The following CNTNAP2 variants were observed in gnomAD, a reference collection of about 807,000 sequenced individuals.
CNTNAP2 encodes the protein contactin-associated protein-like 2.
Under a neutral mutation model 155.2 loss-of-function variants are expected in CNTNAP2, and 98 were observed. The observed-to-expected ratio is 0.63, with a 90% CI of 0.54 to 0.75. The LOEUF is 0.75. CNTNAP2 is among the 30% of genes least tolerant of loss of function. CNTNAP2 has a pLI of 0.00. For synonymous variants in CNTNAP2, 651 were observed against 631.2 expected (o/e 1.03, Z -0.47); for missense variants, 1,727 against 1,688.1 (o/e 1.02, Z -0.40).
chr7:147,400,262 G>A (rs574861894), intron 10 of CNTNAP2, among the ~76,000 whole-genome samples: 2 of 152,212 alleles, frequency 1.3e-5, no homozygotes, highest in South Asian at 2.1e-4. Flanking sequence ...TGCTTGGGGA[G>A]GGACGGACAT....
intron 1 of CNTNAP2, among the ~76,000 whole-genome samples, chr7:146,215,370 A>C (rs1799097071): frequency 6.6e-6 from 1 of 152,158 alleles, no homozygotes; most frequent in South Asian, 2.1e-4. Flanking sequence ...TGAACTGCAT[A>C]CACATCTTAC....
chr7:147,132,180 G>A lies in CNTNAP2; in HGVS notation c.1084-65G>A, dbSNP rs149481306. ...AACTTGTAGAACTATACTTTCATCA[G>A]TGGTCTGACATGGATGTTCATTTTA... On this transcript the variant is annotated intron_variant, in intron 7 of 23. Transcript: ENST00000361727. 114 of 1,594,172 alleles carry A rather than the reference G, an allele frequency of 7.2e-5. 1 individual carries two copies. In the East Asian group the frequency reaches 2.5e-3, roughly 35 times the overall value.
At chr7:146,613,682 TG>T (rs1373331801) in intron 1 of CNTNAP2, among the ~76,000 whole-genome samples, 1 of 152,220 alleles carries the variant, frequency 6.6e-6, no homozygotes, top group African/African-American at 2.4e-5. Context: ...CAGTGTGAAG[TG>T]TATTTTATAC....
intron 1 of CNTNAP2, among the ~76,000 whole-genome samples, chr7:146,167,245 AT>A (rs1310059450): frequency 1.3e-5 from 2 of 152,220 alleles, no homozygotes; most frequent in Non-Finnish European, 2.9e-5. Flanking sequence ...TACATTAAAC[AT>A]TTTACAGATA....
chr7:148,183,286 G>C (rs994917960), intron 18 of CNTNAP2, among the ~76,000 whole-genome samples: 1 of 152,186 alleles, frequency 6.6e-6, no homozygotes, highest in Non-Finnish European at 1.5e-5. Flanking sequence ...CTTGTCCAAG[G>C]ACAGCATGGC....
chr7:146,159,101 A>G (rs997615750), intron 1 of CNTNAP2, among the ~76,000 whole-genome samples: 4 of 152,332 alleles, frequency 2.6e-5, no homozygotes, highest in Admixed American at 2.6e-4. Flanking sequence ...ATTCTAAAGA[A>G]AAGAATTTTC....
At chr7:148,075,987 G>A (rs13235675) in intron 15 of CNTNAP2, among the ~76,000 whole-genome samples, 21,983 of 152,136 alleles carry the variant, frequency 0.14, 2,138 homozygotes, top group East Asian at 0.45. Context: ...TCCCCGTACA[G>A]TCTTCATAGG....
At chr7:146,131,315 A>T (rs2116735944) in intron 1 of CNTNAP2, among the ~76,000 whole-genome samples, 1 of 152,296 alleles carries the variant, frequency 6.6e-6, no homozygotes, top group East Asian at 1.9e-4. Flanking sequence ...TCTCTCATTT[A>T]ACTTATTTTT....
chr7:147,785,812 T>C (rs963967437), intron 13 of CNTNAP2, among the ~76,000 whole-genome samples: 1 of 152,056 alleles, frequency 6.6e-6, no homozygotes, highest in East Asian at 1.9e-4. Context: ...GCCAACATGG[T>C]GAAACCCCAT....
intron 1 of CNTNAP2, among the ~76,000 whole-genome samples, chr7:146,280,930 A>G (rs945826116): frequency 7.2e-5 from 11 of 152,158 alleles, no homozygotes; most frequent in African/African-American, 2.4e-4. Context: ...TACCTGAGGA[A>G]CTTCTCAGGG....
At chr7:147,003,589 A>G (rs2129241701) in intron 3 of CNTNAP2, among the ~76,000 whole-genome samples, 1 of 152,192 alleles carries the variant, frequency 6.6e-6, no homozygotes, top group Non-Finnish European at 1.5e-5. Context: ...TAAAATTAAT[A>G]AATCAACAAA....
chr7:146,812,445 A>ATATATATAT (rs1386547927), intron 2 of CNTNAP2, among the ~76,000 whole-genome samples: 54 of 144,552 alleles, frequency 3.7e-4, no homozygotes, highest in African/African-American at 1.3e-3. Context: ...ATATATAAAA[A>ATATATATAT]ATATATATAT....
intron 3 of CNTNAP2, among the ~76,000 whole-genome samples, chr7:146,906,091 G>C (rs1265871207): frequency 6.6e-6 from 1 of 152,222 alleles, no homozygotes; most frequent in Non-Finnish European, 1.5e-5. Context: ...TGAGCTTTCA[G>C]ACCGGCTTAA....
intron 17 of CNTNAP2, among the ~76,000 whole-genome samples, chr7:148,155,383 G>A (rs1197880958): frequency 6.6e-6 from 1 of 152,176 alleles, no homozygotes; most frequent in Non-Finnish European, 1.5e-5. Flanking sequence ...CTTCAGCTAA[G>A]GGCAGGAGAA....
At chr7:147,944,976 G>T (rs910773791) in intron 14 of CNTNAP2, among the ~76,000 whole-genome samples, 1 of 152,046 alleles carries the variant, frequency 6.6e-6, no homozygotes, top group Non-Finnish European at 1.5e-5. Context: ...AATAATTTAA[G>T]GTTTGATGCT....
intron 22 of CNTNAP2, among the ~76,000 whole-genome samples, chr7:148,384,711 GGAA>G (rs1189813997): frequency 3.3e-5 from 5 of 152,152 alleles, no homozygotes; most frequent in Non-Finnish European, 5.9e-5. Flanking sequence ...GCTAAAAAGA[GGAA>G]GAAGATGAGG....
intron 15 of CNTNAP2, among the ~76,000 whole-genome samples, chr7:148,105,272 A>G (rs567045469): frequency 6.6e-6 from 1 of 152,328 alleles, no homozygotes; most frequent in Admixed American, 6.5e-5. Context: ...AATCAAGTCC[A>G]ATGTGGTATA....
intron 1 of CNTNAP2, among the ~76,000 whole-genome samples, chr7:146,656,585 G>C (rs932754047): frequency 6.6e-6 from 1 of 152,116 alleles, no homozygotes; most frequent in Non-Finnish European, 1.5e-5. Flanking sequence ...CAAACAGACA[G>C]GGGCTGAGTG....
chr7:146,146,226 TG>T (rs1324689651), intron 1 of CNTNAP2, among the ~76,000 whole-genome samples: 1 of 152,206 alleles, frequency 6.6e-6, no homozygotes, highest in Admixed American at 6.5e-5. Context: ...AATGTTCAGA[TG>T]ATTTTTATTA....
Sources: allele counts gnomAD v4.1 joint callset (sites outside exome capture counted in the v4.1 genomes callset), GRCh38; gene constraint gnomAD v4.1.1; transcripts MANE v1.5; gene names NCBI Gene and HGNC (gene_info 2026-07-23, HGNC 2026-07-21).